Variants in STK32B observed in about 807,000 individuals in gnomAD.
STK32B encodes the protein serine/threonine kinase 32B.
STK32B carries 43 observed loss-of-function variants against 52.6 expected under a neutral mutation model. The ratio of observed to expected loss-of-function variants is 0.82; its 90% CI spans 0.64 to 1.05. STK32B has a LOEUF of 1.05. STK32B is among the 50% of genes least tolerant of loss of function. The probability of loss-of-function intolerance (pLI) is 0.00; values close to 1 mark genes in which losing one functional copy is unlikely to be tolerated. For synonymous variants in STK32B, 238 were observed against 204.3 expected, an observed-to-expected ratio of 1.17 and a Z score of -1.41; for missense variants, 621 against 534.6, an observed-to-expected ratio of 1.16 and a Z score of -1.59.
At chr4:5,304,558 T>C (rs1278609993) in intron 3 of STK32B, among the ~76,000 whole-genome samples, 1 of 152,092 alleles carries the variant, frequency 6.6e-6, no homozygotes, top group Non-Finnish European at 1.5e-5. Flanking sequence ...ACTGGATTCA[T>C]TTACCAGTTC....
At chr4:5,407,657 T>C (rs1577456305) in intron 5 of STK32B, among the ~76,000 whole-genome samples, 1 of 149,444 alleles carries the variant, frequency 6.7e-6, no homozygotes, top group Non-Finnish European at 1.5e-5. Context: ...GTTTGGGGGG[T>C]GGGGGAGAAG....
chr4:5,188,435 C>T (rs1347591816), intron 3 of STK32B, among the ~76,000 whole-genome samples: 12 of 152,126 alleles, frequency 7.9e-5, no homozygotes, highest in Non-Finnish European at 1.3e-4. Context: ...TGACGTCAGG[C>T]GCACATGCCC....
At chr4:5,266,323 T>G (rs1282418593) in intron 3 of STK32B, among the ~76,000 whole-genome samples, 1 of 152,212 alleles carries the variant, frequency 6.6e-6, no homozygotes, top group Non-Finnish European at 1.5e-5. Context: ...CTCTGCAAAC[T>G]GAGCATATAA....
intron 3 of STK32B, among the ~76,000 whole-genome samples, chr4:5,226,568 G>A (rs1374149006): frequency 2.6e-5 from 4 of 152,174 alleles, no homozygotes; most frequent in Admixed American, 2.0e-4. Context: ...TGCCATCTGT[G>A]CTATCTGCTC....
chr4:5,334,755 T>C (rs1407371726), intron 4 of STK32B, among the ~76,000 whole-genome samples: 2 of 151,670 alleles, frequency 1.3e-5, no homozygotes, highest in African/African-American at 2.4e-5. Flanking sequence ...TTGTCTTTGG[T>C]TCTGTTTATA....
At chr4:5,381,515 G>A (rs11930775) in intron 4 of STK32B, among the ~76,000 whole-genome samples, 39,426 of 152,092 alleles carry the variant, frequency 0.26, 6,229 homozygotes, top group African/African-American at 0.45. Context: ...GATCATGCCC[G>A]TGCAGTAGCC....
chr4:5,320,742 G>T (rs1257965086), intron 3 of STK32B, among the ~76,000 whole-genome samples: 1 of 152,136 alleles, frequency 6.6e-6, no homozygotes. Flanking sequence ...TTTAGTGTTT[G>T]ATCATGAGGA....
chr4:5,253,852 GTGT>G (rs1726116712), intron 3 of STK32B, among the ~76,000 whole-genome samples: 1 of 152,256 alleles, frequency 6.6e-6, no homozygotes, highest in African/African-American at 2.4e-5. Flanking sequence ...CTACTCTAAA[GTGT>G]TGTTTTGAGC....
chr4:5,435,382 C>G (rs1346013344), intron 6 of STK32B, among the ~76,000 whole-genome samples: 2 of 152,140 alleles, frequency 1.3e-5, no homozygotes, highest in Non-Finnish European at 2.9e-5. Context: ...CCTAGAGCTG[C>G]CTTTATCACA....
intron 1 of STK32B, among the ~76,000 whole-genome samples, chr4:5,063,218 T>C (rs1174525742): frequency 2.0e-5 from 3 of 152,246 alleles, no homozygotes; most frequent in Non-Finnish European, 4.4e-5. Flanking sequence ...GCAAGCCATG[T>C]GTAGGCATTT....
chr4:5,116,682 A>C (rs1714736988), intron 1 of STK32B, among the ~76,000 whole-genome samples: 1 of 152,078 alleles, frequency 6.6e-6, no homozygotes, highest in Non-Finnish European at 1.5e-5. Flanking sequence ...TTCTGTGAAC[A>C]TTTTTCTTTG....
intron 3 of STK32B, among the ~76,000 whole-genome samples, chr4:5,195,097 TTG>T (rs936750944): frequency 1.1e-4 from 16 of 152,034 alleles, no homozygotes; most frequent in African/African-American, 3.9e-4. Flanking sequence ...CTAGACAGGG[TTG>T]TCTCATTCTG....
At chr4:5,077,802 T>A (rs1362837184) in intron 1 of STK32B, among the ~76,000 whole-genome samples, 2 of 152,074 alleles carry the variant, frequency 1.3e-5, no homozygotes, top group Non-Finnish European at 2.9e-5. Context: ...TTTTAACAGT[T>A]TCAAGCCTAT....
intron 1 of STK32B, among the ~76,000 whole-genome samples, chr4:5,057,848 T>A (rs1421166019): frequency 1.3e-5 from 2 of 152,114 alleles, no homozygotes; most frequent in Non-Finnish European, 2.9e-5. Context: ...ATGTTGAGGG[T>A]CCTAACACCC....
At chr4:5,174,542 A>G (rs986436952) in intron 3 of STK32B, among the ~76,000 whole-genome samples, 3 of 152,076 alleles carry the variant, frequency 2.0e-5, no homozygotes, top group African/African-American at 4.8e-5. Context: ...GAATTATTTT[A>G]TTTCTCCTTC....
At position 5,108,825 on chromosome 4, in the gene STK32B, A is replaced by G. The variant is rs147552170; in HGVS notation, c.53-31080A>G. ...GTAGGCTCTTTTTTTACCCTCTAAA[A>G]TCACAAGTAGAAATCATGAGCAAAA... On this transcript the variant is annotated intron_variant, in intron 1 of 11. Coordinates refer to ENST00000282908, the MANE Select transcript of STK32B (RefSeq NM_018401.3). Among the ~76,000 whole-genome samples, 823 of 152,336 alleles carry G rather than the reference A, an allele frequency of 5.4e-3. 8 individuals are homozygous for G. The highest frequency in any genetic ancestry group is 0.018 in the African/African-American group (760 of 41,568).
intron 4 of STK32B, among the ~76,000 whole-genome samples, chr4:5,360,426 G>C (rs1270871335): frequency 6.6e-6 from 1 of 152,148 alleles, no homozygotes; most frequent in Non-Finnish European, 1.5e-5. Flanking sequence ...CCTATGTCAA[G>C]AGAATGTCAC....
chr4:5,211,234 C>A (rs893820612), intron 3 of STK32B, among the ~76,000 whole-genome samples: 34 of 152,168 alleles, frequency 2.2e-4, no homozygotes, highest in African/African-American at 7.2e-4. Context: ...TATTAGCATG[C>A]TTTTCCACAA....
chr4:5,240,605 A>G (rs1724956907), intron 3 of STK32B, among the ~76,000 whole-genome samples: 1 of 152,102 alleles, frequency 6.6e-6, no homozygotes, highest in African/African-American at 2.4e-5. Flanking sequence ...GACTACAGGC[A>G]TGTACCACCG....
Sources: allele counts gnomAD v4.1 joint callset (sites outside exome capture counted in the v4.1 genomes callset), GRCh38; gene constraint gnomAD v4.1.1; transcripts MANE v1.5; gene names NCBI Gene and HGNC (gene_info 2026-07-23, HGNC 2026-07-21).